The following PDE4B variants were observed in gnomAD, a reference collection of about 807,000 sequenced individuals.
The protein encoded by PDE4B is phosphodiesterase 4B.
Under a neutral mutation model 82.2 loss-of-function variants are expected in PDE4B, and 20 were observed. The ratio of observed to expected loss-of-function variants is 0.24; its 90% confidence interval spans 0.17 to 0.35. The LOEUF (loss-of-function observed/expected upper bound fraction) is 0.35. Ranked by LOEUF, PDE4B falls within the 10% of genes least tolerant of loss-of-function variation. The pLI is 1.00. For missense variants in PDE4B, 655 were observed against 907.2 expected, an observed-to-expected ratio of 0.72 and a Z score of 3.57; for synonymous variants, 320 against 318.9, an observed-to-expected ratio of 1.00 and a Z score of -0.04.
In PDE4B at chr1:66,082,092, A is replaced by G. The variant is rs959982331; in HGVS notation, c.281+163257A>G. Among the ~76,000 whole-genome samples, 27 of 152,244 alleles carry G rather than the reference A, an allele frequency of 1.8e-4. 1 individual carries two copies. Among genetic ancestry groups the G allele is most frequent in the African/African-American group, 6.3e-4 (26 of 41,562 alleles). On this transcript the variant is annotated intron_variant, in intron 3 of 16. Coordinates refer to ENST00000341517, the MANE Select transcript of PDE4B (RefSeq NM_002600.4). Reference sequence around the variant, plus strand: ...AGTAAGAAAATAAAATCAGAGGAGCATTAAAACAAAGGAATATGATAGCAT... The same window carrying G: ...AGTAAGAAAATAAAATCAGAGGAGCGTTAAAACAAAGGAATATGATAGCAT...
intron 3 of PDE4B, among the ~76,000 whole-genome samples, chr1:65,926,811 CA>C (rs1189632970): frequency 6.6e-6 from 1 of 151,760 alleles, no homozygotes; most frequent in Non-Finnish European, 1.5e-5. Context: ...ACCCCTTAGG[CA>C]TATCATATTC....
chr1:66,210,602 AAAAAAAAAAAAAAAAAAGAAAAAGG>A (rs1391477094), intron 3 of PDE4B, among the ~76,000 whole-genome samples: 1 of 136,642 alleles, frequency 7.3e-6, no homozygotes, highest in Non-Finnish European at 1.6e-5. Context: ...TCTCAAAAAA[AAAAAAAAAAAAAAAAAAGAAAAAGG>A]AAAAAAAGAA....
intron 1 of PDE4B, among the ~76,000 whole-genome samples, chr1:65,866,681 A>G (rs1426944448): frequency 6.6e-6 from 1 of 152,212 alleles, no homozygotes; most frequent in Non-Finnish European, 1.5e-5. Context: ...CATTTCCTGG[A>G]AAGACAACAG....
Position 66,369,534 on chromosome 1 carries a change from A to G in PDE4B, c.1845+565A>G, listed in dbSNP as rs368011719. Among the ~76,000 whole-genome samples the G allele has an allele frequency of 2.0e-4, 31 of 152,358 alleles. No homozygotes were observed. The East Asian group carries it at 5.0e-3, about 25-fold the overall frequency. On this transcript the variant is annotated intron_variant, in intron 16 of 16. Coordinates refer to ENST00000341517, the MANE Select transcript of PDE4B (RefSeq NM_002600.4). ...TCTGTGTGTGCTCAGGACAGGGGAC[A>G]ATAGTCTGGAGGGGTGAATACAGAA...
At chr1:65,811,026 C>G (rs1401296068) in intron 1 of PDE4B, among the ~76,000 whole-genome samples, 1 of 152,160 alleles carries the variant, frequency 6.6e-6, no homozygotes, top group African/African-American at 2.4e-5. Flanking sequence ...CTGGCCTCTA[C>G]CAACTAGATG....
intron 3 of PDE4B, among the ~76,000 whole-genome samples, chr1:66,096,508 T>TCATATATATA (rs59931848): frequency 0.1 from 11,101 of 106,572 alleles, 1,502 homozygotes; most frequent in Non-Finnish European, 0.13. Flanking sequence ...GTAAAAAAAA[T>TCATATATATA]TATATATATA....
chr1:66,062,925 C>A (rs1419808770), intron 3 of PDE4B: 4 of 151,988 alleles, frequency 2.6e-5, no homozygotes, highest in African/African-American at 7.2e-5. Flanking sequence ...TAGTATGGAT[C>A]CTCATGTTCC....
At chr1:65,927,512 G>A (rs146629777) in intron 3 of PDE4B, among the ~76,000 whole-genome samples, 6,898 of 145,966 alleles carry the variant, frequency 0.047, 507 homozygotes, top group East Asian at 0.36. Context: ...TATAATATAT[G>A]TAAATATATA....
chr1:65,937,819 A>G (rs1648239760), intron 3 of PDE4B, among the ~76,000 whole-genome samples: 1 of 152,162 alleles, frequency 6.6e-6, no homozygotes, highest in African/African-American at 2.4e-5. Flanking sequence ...GGTTTTATAT[A>G]AAAGGTGCCT....
At chr1:66,092,334 C>T (rs1476164842) in intron 3 of PDE4B, among the ~76,000 whole-genome samples, 1 of 152,010 alleles carries the variant, frequency 6.6e-6, no homozygotes, top group East Asian at 1.9e-4. Context: ...TCAGTTCCTA[C>T]AGCATACAGT....
chr1:66,167,882 T>C (rs1262800300), intron 3 of PDE4B, among the ~76,000 whole-genome samples: 1 of 152,318 alleles, frequency 6.6e-6, no homozygotes, highest in Admixed American at 6.5e-5. Flanking sequence ...AATACTTTAG[T>C]AGCATTCTCA....
intron 3 of PDE4B, among the ~76,000 whole-genome samples, chr1:66,174,809 G>A (rs937141783): frequency 6.6e-6 from 1 of 151,596 alleles, no homozygotes; most frequent in Non-Finnish European, 1.5e-5. Flanking sequence ...CCTGAGACTG[G>A]GTAATTTATA....
intron 3 of PDE4B, among the ~76,000 whole-genome samples, chr1:66,115,623 C>T (rs1333873194): frequency 1.3e-5 from 2 of 152,194 alleles, no homozygotes; most frequent in African/African-American, 4.8e-5. Context: ...ACTATGGGGG[C>T]GTCCCAGTAG....
At chr1:66,269,230 G>T (rs542160078) in intron 7 of PDE4B, among the ~76,000 whole-genome samples, 1 of 152,122 alleles carries the variant, frequency 6.6e-6, no homozygotes, top group African/African-American at 2.4e-5. Context: ...TAGTGTGTTC[G>T]TATAGGTTTT....
intron 16 of PDE4B, among the ~76,000 whole-genome samples, chr1:66,370,150 C>CAA (rs752920376): frequency 0.015 from 432 of 28,606 alleles, 32 homozygotes; most frequent in African/African-American, 0.031. Flanking sequence ...GACTCTATCT[C>CAA]AAAAAAAAAA....
chr1:65,887,996 T>G (rs1646811507), intron 1 of PDE4B, among the ~76,000 whole-genome samples: 1 of 152,166 alleles, frequency 6.6e-6, no homozygotes, highest in African/African-American at 2.4e-5. Flanking sequence ...CCCGTGCTTT[T>G]GAGGTCTTAG....
At chr1:65,896,871 G>C (rs979487258) in intron 1 of PDE4B, among the ~76,000 whole-genome samples, 1 of 152,116 alleles carries the variant, frequency 6.6e-6, no homozygotes, top group Admixed American at 6.6e-5. Context: ...TTTGTAATAA[G>C]AAAATTTAGG....
At chr1:65,814,054 G>A (rs1407315910) in intron 1 of PDE4B, among the ~76,000 whole-genome samples, 1 of 152,162 alleles carries the variant, frequency 6.6e-6, no homozygotes, top group African/African-American at 2.4e-5. Context: ...TGAGCTTTGG[G>A]TATTACCCAG....
chr1:65,803,719 T>G (rs766725271), intron 1 of PDE4B, among the ~76,000 whole-genome samples: 3 of 152,190 alleles, frequency 2.0e-5, no homozygotes, highest in Non-Finnish European at 2.9e-5. Flanking sequence ...AAATCTAGAA[T>G]GGAACTTCCA....
Sources: gnomAD v4.1 joint callset for allele counts (sites outside exome capture counted in the v4.1 genomes callset) on GRCh38, gnomAD v4.1.1 for gene constraint, MANE v1.5 for transcripts, NCBI Gene and HGNC (gene_info 2026-07-23, HGNC 2026-07-21) for gene names.